Variants in NUMA1 observed in about 807,000 individuals in gnomAD.
NUMA1 encodes nuclear mitotic apparatus protein 1, also known as SP-H antigen.
Under a neutral mutation model 237.1 loss-of-function variants are expected in NUMA1, and 62 were observed. That is an observed-to-expected ratio of 0.26 (90% CI 0.21 to 0.32). The LOEUF is 0.32. NUMA1 is among the 10% of genes least tolerant of loss of function. The pLI is 1.00. For missense variants in NUMA1, 2,533 were observed against 2,666.5 expected (o/e 0.95, Z 1.10); for synonymous variants, 1,028 against 1,066.1 (o/e 0.96, Z 0.70).
intron 2 of NUMA1, among the ~76,000 whole-genome samples, chr11:72,038,259 TCA>T (rs1400409299): frequency 2.0e-4 from 30 of 152,132 alleles, no homozygotes; most frequent in Non-Finnish European, 1.5e-5. Context: ...CCTCTTCATC[TCA>T]GAGGCAAAAC....
rs1013123129 is a variant in NUMA1 at position 72,014,508 on chromosome 11, G to A, written c.2995C>T (p.Arg999Cys). Residue 999 changes from arginine to cysteine, a missense_variant, in exon 15 of 27, where the codon CGT becomes TGT. This residue lies in a region of NUMA1 where 1,414 missense variants were observed against 1,508.1 expected (regional missense o/e 0.94). Transcript: ENST00000393695. The surrounding 1 kb of genome is among the most constrained non-coding windows in gnomAD (Gnocchi z 4.6). ...GCCACCTCCCTTTCCTGCTGCCCAC[G>A]CTCCTCCTGCTGCTGCCCCTGGCTC... ...MESQGQQQEE[R>C]GQQEREVARL... 18 of 1,601,574 alleles carry A rather than the reference G, an allele frequency of 1.1e-5. No individual in the cohort carries two copies. Among genetic ancestry groups the A allele is most frequent in the African/African-American group, 2.7e-5 (2 of 74,924 alleles).
At chr11:72,053,519 CAGA>C (rs1942478221) in intron 2 of NUMA1, among the ~76,000 whole-genome samples, 1 of 152,198 alleles carries the variant, frequency 6.6e-6, no homozygotes, top group African/African-American at 2.4e-5. Flanking sequence ...CCAGGACACA[CAGA>C]AGAAGACAGT....
At position 72,010,116 on chromosome 11, in the gene NUMA1, T is replaced by C. The variant is rs184254982; in HGVS notation, c.4719+670A>G. On this transcript the variant is annotated intron_variant, in intron 17 of 26. Transcript: ENST00000393695. ...ACATTTGTTTATTGCAATCAAGACA[T>C]GCTGTGGCACCATGGTATGAAGGTG... is the stretch of plus-strand genomic sequence containing the variant. Among the ~76,000 whole-genome samples, 14 of 152,318 alleles carry C rather than the reference T, an allele frequency of 9.2e-5. No homozygotes were observed. In the East Asian group the frequency reaches 2.1e-3, roughly 23 times the overall value.
In NUMA1 at chr11:72,019,572, G is replaced by T; in HGVS notation, c.506C>A (p.Ser169Tyr). The change falls in exon 9 of 27, where the codon TCC becomes TAC. Residue 169 changes from serine to tyrosine, a missense_variant. Physicochemically the swap from Ser to Tyr is moderately radical, Grantham distance 144. Coordinates refer to ENST00000393695, the MANE Select transcript of NUMA1 (RefSeq NM_006185.4). Reference protein sequence around the residue: ...TCSSTFPEELSPPSHQAKREI... With the variant: ...TCSSTFPEELYPPSHQAKREI... ...CCTCTTGGCCTGGTGGCTAGGTGGG[G>T]AGAGCTCTTCAGGGAATGTGCTAGA... The T allele has an allele frequency of 6.2e-7, 1 of 1,614,026 alleles. No homozygotes were observed. The highest frequency in any genetic ancestry group is 1.1e-5 in the South Asian group (1 of 91,076).
chr11:72,059,748 A>G (rs1375279548), intron 2 of NUMA1, among the ~76,000 whole-genome samples: 2 of 152,174 alleles, frequency 1.3e-5, no homozygotes, highest in Non-Finnish European at 2.9e-5. Flanking sequence ...ATATTTCTCT[A>G]GGATATATAC....
At chr11:72,060,687 C>G (rs1276704189) in intron 2 of NUMA1, among the ~76,000 whole-genome samples, 1 of 151,986 alleles carries the variant, frequency 6.6e-6, no homozygotes, top group Non-Finnish European at 1.5e-5. Flanking sequence ...GAGTTAAAAA[C>G]TAAAGAAAAG....
chr11:72,031,259 T>A (rs1940267760), intron 3 of NUMA1, among the ~76,000 whole-genome samples: 1 of 151,210 alleles, frequency 6.6e-6, no homozygotes, highest in Non-Finnish European at 1.5e-5. Context: ...GCTATGATAG[T>A]GTCCCTGCAC....
Position 72,014,030 on chromosome 11 carries a change from G to T in NUMA1, c.3473C>A (p.Ala1158Asp). Residue 1158 changes from alanine to aspartate, a missense_variant, in exon 15 of 27, where the codon GCT (alanine) becomes GAT (aspartate). Ala to Asp is a moderately radical substitution (Grantham distance 126). Around this residue, in one of 3 missense-constraint regions of NUMA1, gnomAD observed 1,414 missense variants for 1,508.1 expected, o/e 0.94. Transcript: ENST00000393695. The surrounding 1 kb of genome is among the most constrained non-coding windows in gnomAD (Gnocchi z 4.6). Reference sequence around the variant, plus strand: ...AGTCTCCAGAGCACTGTCCCGCTCAGCCCGGGAGGCCCGCTCAGCCTCGAG... The same window carrying T: ...AGTCTCCAGAGCACTGTCCCGCTCATCCCGGGAGGCCCGCTCAGCCTCGAG... The part of the protein sequence containing the change: ...RSLEAERASR[A>D]ERDSALETLQ... 1.2e-6 allele frequency: 2 copies of T among 1,611,220 alleles called. No homozygotes were observed. The highest frequency in any genetic ancestry group is 1.7e-6 in the Non-Finnish European group (2 of 1,179,970).
chr11:72,012,771 C>T, intron 15 of NUMA1, 124 bp downstream of exon 15: 2 of 1,366,008 alleles, frequency 1.5e-6, no homozygotes, highest in South Asian at 2.9e-5. Context: ...TTTTCTGCCA[C>T]CCAGTGAATG....
intron 20 of NUMA1, chr11:72,007,717 A>G: frequency 2.1e-6 from 1 of 482,678 alleles, no homozygotes; most frequent in Non-Finnish European, 3.7e-6. Context: ...AACACGTCCC[A>G]ATCTAAGCCC....
intron 19 of NUMA1, 59 bp from the exon 20 acceptor site, chr11:72,008,904 G>A (rs1396585853): frequency 6.2e-7 from 1 of 1,612,678 alleles, no homozygotes. Context: ...AGTGGCCTAG[G>A]AGGAGAGGGC....
intron 2 of NUMA1, chr11:72,066,286 C>A (rs1231416928): frequency 6.9e-6 from 1 of 144,694 alleles, no homozygotes; most frequent in Non-Finnish European, 1.5e-5. Context: ...GCAACAAGAG[C>A]GAAACTCTGC....
At chr11:72,031,064 G>C (rs746561745) in intron 3 of NUMA1, among the ~76,000 whole-genome samples, 3 of 151,650 alleles carry the variant, frequency 2.0e-5, no homozygotes, top group East Asian at 1.9e-4. Flanking sequence ...CTGAGGTAGG[G>C]GGACTGCTTG....
At chr11:72,022,903 T>A (rs1361960431) in intron 6 of NUMA1, among the ~76,000 whole-genome samples, 162 bp downstream of exon 6, 1 of 152,088 alleles carries the variant, frequency 6.6e-6, no homozygotes, top group East Asian at 1.9e-4. Flanking sequence ...TTAGCCTCTG[T>A]CTCAAGACAG....
In NUMA1 at chr11:72,023,098, C is replaced by A. The variant is rs1939113400; in HGVS notation, c.258G>T (p.Lys86Asn). 6.2e-7 allele frequency: 1 copy of A among 1,613,866 alleles called. No individual in the cohort carries two copies. Among genetic ancestry groups the A allele is most frequent in the Admixed American group, 1.7e-5 (1 of 60,004 alleles). ...SSPECLVSAQKVLEGSELELA... is the reference protein window; with the variant it reads ...SSPECLVSAQNVLEGSELELA... ...GTTCCAGCTCTGATCCCTCTAGCAC[C>A]TTCTGTGCAGATACCAGGCATTCTG... Residue 86 changes from lysine (K) to asparagine (N), a missense_variant, in exon 6 of 27, where the codon AAG becomes AAT. Physicochemically the swap from Lys to Asn is moderately conservative, Grantham distance 94 (BLOSUM62 0). Transcript: ENST00000393695.
chr11:72,010,693 T>C, intron 17 of NUMA1, 93 bp downstream of exon 17: 1 of 1,269,308 alleles, frequency 7.9e-7, no homozygotes, highest in South Asian at 1.3e-5. Flanking sequence ...AGGGTGCCCC[T>C]CTTCTGCCCC....
chr11:72,073,858 A>G (rs1264365503), intron 1 of NUMA1, among the ~76,000 whole-genome samples: 1 of 152,186 alleles, frequency 6.6e-6, no homozygotes, highest in Non-Finnish European at 1.5e-5. Context: ...CCTGTAAAAG[A>G]GAATAGTAAT....
At chr11:72,049,560 A>ATATTTATATATATATATATATATAT (rs59229987) in intron 2 of NUMA1, 1 of 41,004 alleles carries the variant, frequency 2.4e-5, no homozygotes, top group African/African-American at 8.5e-5. Context: ...AAATAATAAT[A>ATATTTATATATATATATATATATAT]ATATATATAT....
chr11:72,066,916 A>T lies in NUMA1; in HGVS notation c.-33+2926T>A, dbSNP rs571750840. On this transcript the variant is annotated intron_variant, in intron 2 of 26. Coordinates refer to ENST00000393695, the MANE Select transcript of NUMA1 (RefSeq NM_006185.4). ...CTTATCTGAATTCTTTCAGTGGTAC[A>T]GCCAGGGATGGCAAATTGTCAAAGC... The T allele has an allele frequency of 4.6e-5, 7 of 152,396 alleles. No homozygotes were observed. In the South Asian group the frequency reaches 1.4e-3, roughly 32 times the overall value. 9.4% of individuals were successfully genotyped at this position (152,396 alleles called of 1,614,324 possible).
Sources: gnomAD v4.1 joint callset for allele counts (sites outside exome capture counted in the v4.1 genomes callset) on GRCh38, gnomAD v4.1.1 for gene constraint, gnomAD v4.1.1 regional missense constraint, Gnocchi (gnomAD v3.1) non-coding constraint, MANE v1.5 for transcripts, NCBI Gene and HGNC (gene_info 2026-07-23, HGNC 2026-07-21) for gene names.